Variants in ZFHX3 observed in about 807,000 individuals in gnomAD.
ZFHX3 encodes the protein zinc finger homeobox 3, also known as zinc finger homeobox protein 3.
A neutral mutation model predicts 279.1 loss-of-function variants in ZFHX3; 42 were observed. The observed-to-expected ratio is 0.15, with a 90% confidence interval of 0.12 to 0.19. The LOEUF is 0.19. Ranked by LOEUF, ZFHX3 falls within the 10% of genes least tolerant of loss-of-function variation. The pLI, the probability that ZFHX3 is intolerant of heterozygous loss-of-function variation, is 1.00. For synonymous variants in ZFHX3, 2,293 were observed against 1,957.8 expected (o/e 1.17, Z -4.52); for missense variants, 4,981 against 4,754.0 (o/e 1.05, Z -1.40).
intron 1 of ZFHX3, among the ~76,000 whole-genome samples, chr16:73,823,375 C>T (rs1349095034): frequency 6.6e-6 from 1 of 152,098 alleles, no homozygotes; most frequent in Non-Finnish European, 1.5e-5. Context: ...TCCCTGGGCC[C>T]ATCCATCCCT....
chr16:73,155,433 A>G (rs1967054697), intron 5 of ZFHX3, among the ~76,000 whole-genome samples: 1 of 152,176 alleles, frequency 6.6e-6, no homozygotes, highest in Non-Finnish European at 1.5e-5. Context: ...CCTTGCCCCA[A>G]TCCCTCAGCT....
intron 1 of ZFHX3, among the ~76,000 whole-genome samples, chr16:73,752,085 G>C (rs949914417): frequency 9.2e-5 from 14 of 152,244 alleles, no homozygotes; most frequent in African/African-American, 3.4e-4. Flanking sequence ...AAGGAGGATG[G>C]AGCTGTGGTC....
chr16:73,160,510 C>T (rs72797305), intron 5 of ZFHX3, among the ~76,000 whole-genome samples: 12,190 of 152,108 alleles, frequency 0.08, 685 homozygotes, highest in Non-Finnish European at 0.13. Flanking sequence ...AGTTTTCTGT[C>T]CCCTTTTTTT....
chr16:73,307,756 A>G (rs141360239), intron 4 of ZFHX3, among the ~76,000 whole-genome samples: 1 of 152,206 alleles, frequency 6.6e-6, no homozygotes, highest in Non-Finnish European at 1.5e-5. Context: ...TTAAAATTTT[A>G]TACCCACGAG....
chr16:73,089,669 A>T (rs749992831), intron 8 of ZFHX3, among the ~76,000 whole-genome samples: 38 of 152,316 alleles, frequency 2.5e-4, no homozygotes, highest in Admixed American at 4.6e-4. Context: ...TCATCCCTGG[A>T]TAGGATGAAT....
At chr16:73,156,091 G>C (rs1406353834) in intron 5 of ZFHX3, among the ~76,000 whole-genome samples, 3 of 151,760 alleles carry the variant, frequency 2.0e-5, no homozygotes, top group African/African-American at 7.3e-5. Context: ...AATTAGCCGG[G>C]TGTGGTGGCG....
chr16:73,666,727 G>A (rs76375336), intron 2 of ZFHX3, among the ~76,000 whole-genome samples: 2,150 of 151,916 alleles, frequency 0.014, 26 homozygotes, highest in Non-Finnish European at 0.023. Flanking sequence ...ATACTGAAAA[G>A]TTCCATCACT....
chr16:73,876,024 A>T (rs1333794730), intron 1 of ZFHX3, among the ~76,000 whole-genome samples: 1 of 152,206 alleles, frequency 6.6e-6, no homozygotes, highest in Admixed American at 6.5e-5. Flanking sequence ...GTACATAAAA[A>T]TCTGCAATAA....
intron 8 of ZFHX3, among the ~76,000 whole-genome samples, chr16:73,089,398 C>T (rs531703404): frequency 7.9e-5 from 12 of 152,320 alleles, no homozygotes; most frequent in African/African-American, 2.2e-4. Context: ...CCGCTGCACC[C>T]GGTCTAATGT....
chr16:73,564,596 T>G (rs1459917364), intron 2 of ZFHX3, among the ~76,000 whole-genome samples: 6 of 152,090 alleles, frequency 3.9e-5, no homozygotes, highest in Non-Finnish European at 8.8e-5. Context: ...CAGAGCAAAC[T>G]CTGTACAAAC....
intron 1 of ZFHX3, among the ~76,000 whole-genome samples, chr16:73,005,189 T>G (rs1183631798): frequency 6.6e-6 from 1 of 152,198 alleles, no homozygotes; most frequent in African/African-American, 2.4e-5. Flanking sequence ...TTTATGAGGA[T>G]TAAATAAGTT....
At chr16:73,765,601 A>G (rs555213351) in intron 1 of ZFHX3, among the ~76,000 whole-genome samples, 2 of 152,296 alleles carry the variant, frequency 1.3e-5, no homozygotes, top group East Asian at 3.9e-4. Context: ...TCAGTTACAT[A>G]TTCATTTCAG....
At chr16:73,500,165 C>A (rs1450574420) in intron 2 of ZFHX3, 1 of 152,200 alleles carries the variant, frequency 6.6e-6, no homozygotes, top group Non-Finnish European at 1.5e-5. Context: ...GCATTGTTAT[C>A]ATAGGAGATG....
chr16:73,047,180 C>G (rs1031899119), intron 1 of ZFHX3, among the ~76,000 whole-genome samples: 5 of 152,184 alleles, frequency 3.3e-5, no homozygotes, highest in Admixed American at 6.5e-5. Flanking sequence ...CTCCTCCTAA[C>G]AGGATAAAAA....
rs74028092 is a variant in ZFHX3, at chr16:73,216,197, C to T, written c.-1104+40850G>A. Among the ~76,000 whole-genome samples, 1,003 of 152,288 alleles carry T rather than the reference C, an allele frequency of 6.6e-3. 12 individuals are homozygous for T. Among genetic ancestry groups the T allele is most frequent in the African/African-American group, 0.023 (963 of 41,552 alleles). ...TGTTACACAGCATTATTGTGGCAGT[C>T]GCTGACAGATACACTTGCCACCTAA... On this transcript the variant is annotated intron_variant, in intron 5 of 17. Transcript: ENST00000641206.
Position 73,533,761 on chromosome 16 carries a change from G to A in ZFHX3, c.-1546-77503C>T, listed in dbSNP as rs186320590. On this transcript the variant is annotated intron_variant, in intron 2 of 17. Transcript: ENST00000641206. Reference sequence around the variant, plus strand: ...ATCCCTCCATTTGCTCAAGAAAAAAGTACTGGGAGGTCATCTTGAACTCCC... The same window carrying A: ...ATCCCTCCATTTGCTCAAGAAAAAAATACTGGGAGGTCATCTTGAACTCCC... Among the ~76,000 whole-genome samples the A allele has an allele frequency of 9.9e-5, 15 of 152,206 alleles. 1 individual carries two copies. Among genetic ancestry groups the A allele is most frequent in the Non-Finnish European group, 1.9e-4 (13 of 68,000 alleles).
At chr16:72,993,865 C>T (rs1301648668) in intron 1 of ZFHX3, among the ~76,000 whole-genome samples, 1 of 152,110 alleles carries the variant, frequency 6.6e-6, no homozygotes, top group Non-Finnish European at 1.5e-5. Flanking sequence ...CTGTGCTGCC[C>T]GATCCCCCAA....
intron 3 of ZFHX3, among the ~76,000 whole-genome samples, chr16:72,919,168 T>G (rs1380127120): frequency 6.6e-6 from 1 of 151,904 alleles, no homozygotes; most frequent in Admixed American, 6.5e-5. Context: ...TACTTTTTTT[T>G]TTTTTAGAGA....
At chr16:73,735,662 G>T (rs1448103803) in intron 1 of ZFHX3, among the ~76,000 whole-genome samples, 1 of 152,086 alleles carries the variant, frequency 6.6e-6, no homozygotes, top group Admixed American at 6.5e-5. Flanking sequence ...AAAAAGTAAG[G>T]TTCCTGAAAA....
Sources: gnomAD v4.1 joint callset for allele counts (sites outside exome capture counted in the v4.1 genomes callset) on GRCh38, gnomAD v4.1.1 for gene constraint, MANE v1.5 for transcripts, NCBI Gene and HGNC (gene_info 2026-07-23, HGNC 2026-07-21) for gene names.